Variants in DOCK4 observed in about 807,000 individuals in gnomAD.
DOCK4 encodes dedicator of cytokinesis 4.
Under a neutral mutation model 268.1 loss-of-function variants are expected in DOCK4, and 97 were observed. That is an observed-to-expected ratio of 0.36 (90% CI 0.31 to 0.43). The LOEUF is 0.43. Ranked by LOEUF, DOCK4 falls within the 20% of genes least tolerant of loss-of-function variation. DOCK4 has a pLI of 1.00. For synonymous variants in DOCK4, 954 were observed against 887.2 expected (o/e 1.08, Z -1.34); for missense variants, 2,145 against 2,455.7 (o/e 0.87, Z 2.67).
chr7:112,077,051 G>T (rs1192835508), intron 1 of DOCK4, among the ~76,000 whole-genome samples: 1 of 152,068 alleles, frequency 6.6e-6, no homozygotes, highest in Non-Finnish European at 1.5e-5. Flanking sequence ...GGGAAACAGG[G>T]AGAGAAAAGC....
chr7:111,894,657 A>G (rs551016699), intron 16 of DOCK4, among the ~76,000 whole-genome samples: 1 of 152,276 alleles, frequency 6.6e-6, no homozygotes, highest in South Asian at 2.1e-4. Flanking sequence ...GCAAGGGAAG[A>G]GCAGAAAGAG....
chr7:111,847,167 C>G (rs749101146), intron 23 of DOCK4, 41 bp from the exon 24 acceptor site: 79 of 1,610,766 alleles, frequency 4.9e-5, no homozygotes, highest in Non-Finnish European at 6.5e-5. Context: ...CTGTTGGAGT[C>G]CCACGCAATA....
chr7:112,069,952 T>C (rs1807439054), intron 1 of DOCK4, among the ~76,000 whole-genome samples: 1 of 152,160 alleles, frequency 6.6e-6, no homozygotes, highest in South Asian at 2.1e-4. Context: ...AACTGAGTCA[T>C]AGTGGAACAT....
At chr7:112,149,470 A>G (rs767819314) in intron 1 of DOCK4, among the ~76,000 whole-genome samples, 6 of 152,114 alleles carry the variant, frequency 3.9e-5, no homozygotes, top group Non-Finnish European at 8.8e-5. Context: ...AGGTCTTCAT[A>G]AAATCGCTGT....
At chr7:111,876,376 C>T (rs923229997) in intron 17 of DOCK4, among the ~76,000 whole-genome samples, 12 of 152,296 alleles carry the variant, frequency 7.9e-5, no homozygotes, top group African/African-American at 2.6e-4. Context: ...ATAACAAGCA[C>T]ACCTGTTTAG....
At chr7:112,103,560 G>C (rs1810874040) in intron 1 of DOCK4, among the ~76,000 whole-genome samples, 1 of 152,148 alleles carries the variant, frequency 6.6e-6, no homozygotes, top group Non-Finnish European at 1.5e-5. Flanking sequence ...GCATAGATTG[G>C]TGAAAGATGA....
At chr7:112,141,714 C>T (rs1487214730) in intron 1 of DOCK4, among the ~76,000 whole-genome samples, 1 of 152,140 alleles carries the variant, frequency 6.6e-6, no homozygotes, top group Non-Finnish European at 1.5e-5. Context: ...GTTGCAAACT[C>T]AAATGTTAAT....
At chr7:112,024,284 G>C (rs960524299) in intron 1 of DOCK4, among the ~76,000 whole-genome samples, 4 of 152,136 alleles carry the variant, frequency 2.6e-5, no homozygotes, top group African/African-American at 9.7e-5. Context: ...CTCCCAAATT[G>C]ATATTTCTAG....
intron 23 of DOCK4, among the ~76,000 whole-genome samples, chr7:111,854,001 TCGG>T (rs1804799770): frequency 6.6e-6 from 1 of 151,912 alleles, no homozygotes; most frequent in Admixed American, 6.6e-5. Flanking sequence ...TGGCATGATC[TCGG>T]CTCACTGCAA....
At chr7:111,900,670 T>C (rs2134415478) in intron 14 of DOCK4, 134 bp from the exon 15 acceptor site, 1 of 901,276 alleles carries the variant, frequency 1.1e-6, no homozygotes, top group East Asian at 2.7e-5. Flanking sequence ...GCCTTTGCCG[T>C]GTGTTTCTGT....
At chr7:111,736,312 G>A (rs148646489) in intron 50 of DOCK4, among the ~76,000 whole-genome samples, 1 of 152,138 alleles carries the variant, frequency 6.6e-6, no homozygotes, top group Admixed American at 6.5e-5. Flanking sequence ...CCCCGACCCC[G>A]TAGCTGAGGA....
chr7:112,001,313 C>T (rs1033084598), intron 2 of DOCK4, among the ~76,000 whole-genome samples: 2 of 152,170 alleles, frequency 1.3e-5, no homozygotes, highest in African/African-American at 4.8e-5. Context: ...AAACTGCATG[C>T]CATTCTAAGT....
chr7:111,741,222 A>G lies in DOCK4; in HGVS notation c.4920-8T>C, dbSNP rs1563436558. On this transcript the variant is annotated splice_polypyrimidine_tract_variant and splice_region_variant and intron_variant, in intron 46 of 52. Coordinates refer to ENST00000428084, the MANE Select transcript of DOCK4 (RefSeq NM_001363540.2). ...GCTGGGTAACTTAACGGGCTGTTTC[A>G]GGGGGAAAAAAAAGGTCATTAACTC... 1 of 1,613,184 alleles carries G rather than the reference A, an allele frequency of 6.2e-7. No individual in the cohort carries two copies.
At chr7:111,944,223 AG>A (rs1795434784) in intron 10 of DOCK4, among the ~76,000 whole-genome samples, 1 of 152,240 alleles carries the variant, frequency 6.6e-6, no homozygotes, top group Non-Finnish European at 1.5e-5. Flanking sequence ...GTGTTTTCAT[AG>A]TCAGATCAAA....
intron 42 of DOCK4, among the ~76,000 whole-genome samples, chr7:111,748,519 T>C (rs760794141): frequency 6.6e-6 from 1 of 152,100 alleles, no homozygotes; most frequent in Non-Finnish European, 1.5e-5. Context: ...TGAAAAGGTG[T>C]TGGGCCTCAT....
At position 111,838,439 on chromosome 7, in the gene DOCK4, G is replaced by T. The variant is rs531039831; in HGVS notation, c.2737-3753C>A. ...CAAGAGGTGAATGAATAAACAAACT[G>T]CAGTATATCCATACAATGGAATACT... On this transcript the variant is annotated intron_variant, in intron 25 of 52. Coordinates refer to ENST00000428084, the MANE Select transcript of DOCK4 (RefSeq NM_001363540.2). Among the ~76,000 whole-genome samples, 6 of 152,148 alleles carry T rather than the reference G, an allele frequency of 3.9e-5. No individual in the cohort carries two copies. In the South Asian group the frequency reaches 1.2e-3, roughly 32 times the overall value.
chr7:111,983,394 C>T (rs1798755661), intron 7 of DOCK4, among the ~76,000 whole-genome samples: 1 of 152,128 alleles, frequency 6.6e-6, no homozygotes, highest in Non-Finnish European at 1.5e-5. Context: ...AATAGGCAGT[C>T]CTTCTTGGAA....
chr7:112,124,671 A>G (rs769420356), intron 1 of DOCK4, among the ~76,000 whole-genome samples: 4 of 152,206 alleles, frequency 2.6e-5, no homozygotes, highest in Admixed American at 6.5e-5. Flanking sequence ...ACTGCTTCAT[A>G]AGGCCGTTTT....
chr7:111,874,478 C>G (rs1806678532), intron 17 of DOCK4, among the ~76,000 whole-genome samples: 1 of 152,178 alleles, frequency 6.6e-6, no homozygotes, highest in Admixed American at 6.5e-5. Flanking sequence ...CTCTACACTG[C>G]TCATGATGGA....
Sources: gnomAD v4.1 joint callset for allele counts (sites outside exome capture counted in the v4.1 genomes callset) on GRCh38, gnomAD v4.1.1 for gene constraint, MANE v1.5 for transcripts, NCBI Gene and HGNC (gene_info 2026-07-23, HGNC 2026-07-21) for gene names.